PTPN12: variants seen among roughly 807,000 people sequenced by gnomAD.
The protein encoded by PTPN12 is protein tyrosine phosphatase non-receptor type 12.
Under a neutral mutation model 97.6 loss-of-function variants are expected in PTPN12, and 29 were observed. The observed-to-expected ratio is 0.30, with a 90% CI of 0.22 to 0.41. The LOEUF (loss-of-function observed/expected upper bound fraction) is 0.41. Among genes scored for constraint, PTPN12 ranks in the 10% least tolerant of loss-of-function variants. The pLI is 1.00. For missense variants in PTPN12, 819 were observed against 926.0 expected (o/e 0.88, Z 1.50); for synonymous variants, 327 against 300.4 (o/e 1.09, Z -0.91).
chr7:77,552,746 G>A (rs986797339), intron 1 of PTPN12, among the ~76,000 whole-genome samples: 1 of 152,112 alleles, frequency 6.6e-6, no homozygotes, highest in Non-Finnish European at 1.5e-5. Context: ...GCATTATAGT[G>A]GACAGTCCAA....
At chr7:77,569,006 A>G (rs1166109079) in intron 1 of PTPN12, among the ~76,000 whole-genome samples, 2 of 152,222 alleles carry the variant, frequency 1.3e-5, no homozygotes, top group Non-Finnish European at 2.9e-5. Flanking sequence ...TAACGACATC[A>G]TAAACAATCT....
chr7:77,605,447 T>C (rs1282910226), intron 8 of PTPN12, among the ~76,000 whole-genome samples: 1 of 129,766 alleles, frequency 7.7e-6, no homozygotes, highest in Non-Finnish European at 1.6e-5. Flanking sequence ...TGAGACGGAG[T>C]CTCGCTCTGT....
At chr7:77,592,890 A>T (rs1787911041) in intron 6 of PTPN12, among the ~76,000 whole-genome samples, 1 of 152,182 alleles carries the variant, frequency 6.6e-6, no homozygotes, top group African/African-American at 2.4e-5. Flanking sequence ...ATGGACAAAA[A>T]GAAGGAAAAT....
rs758002767 is a variant in PTPN12, at chr7:77,537,513, G to A, written c.-34G>A. 6 of 1,560,560 alleles carry A rather than the reference G, an allele frequency of 3.8e-6. No homozygotes were observed. The African/African-American group carries it at 5.6e-5, about 15-fold the overall frequency. On this transcript the variant is annotated 5_prime_UTR_variant, in exon 1 of 18. Transcript: ENST00000248594. Reference sequence around the variant, plus strand: ...TGTGCCGGGCGGGCGGGCGGCGGGGGGGCCAGCGACCGCAGCCGGGGGGAC... The same window carrying A: ...TGTGCCGGGCGGGCGGGCGGCGGGGAGGCCAGCGACCGCAGCCGGGGGGAC...
chr7:77,547,391 A>AT (rs1316894536), intron 1 of PTPN12, among the ~76,000 whole-genome samples: 1 of 152,080 alleles, frequency 6.6e-6, no homozygotes, highest in Non-Finnish European at 1.5e-5. Context: ...TATATATAAT[A>AT]TTTTTTGTGT....
intron 1 of PTPN12, among the ~76,000 whole-genome samples, chr7:77,546,280 GCA>G (rs1469481563): frequency 6.6e-6 from 1 of 152,148 alleles, no homozygotes; most frequent in African/African-American, 2.4e-5. Flanking sequence ...AAATATTTTA[GCA>G]CAGTTAATCT....
At chr7:77,559,880 T>C (rs1239109168) in intron 1 of PTPN12, among the ~76,000 whole-genome samples, 1 of 152,218 alleles carries the variant, frequency 6.6e-6, no homozygotes, top group Admixed American at 6.5e-5. Context: ...ATTATAATCT[T>C]GGGTGATGGC....
intron 1 of PTPN12, among the ~76,000 whole-genome samples, chr7:77,544,078 C>T (rs978768900): frequency 1.3e-5 from 2 of 152,136 alleles, no homozygotes; most frequent in Admixed American, 6.5e-5. Flanking sequence ...TAACATTTTG[C>T]GGAACTGCCA....
intron 12 of PTPN12, among the ~76,000 whole-genome samples, chr7:77,623,626 G>A (rs149126384): frequency 3.9e-5 from 6 of 152,300 alleles, no homozygotes; most frequent in Non-Finnish European, 7.4e-5. Context: ...CAGGAGATTC[G>A]CTTGAACCTG....
chr7:77,614,798 C>T (rs1429788699), intron 11 of PTPN12, among the ~76,000 whole-genome samples: 1 of 152,126 alleles, frequency 6.6e-6, no homozygotes, highest in Non-Finnish European at 1.5e-5. Flanking sequence ...GGTGTATTAA[C>T]TATTTAGAAG....
At chr7:77,618,325 TA>T (rs1788821213) in intron 11 of PTPN12, among the ~76,000 whole-genome samples, 154 bp from the exon 12 acceptor site, 1 of 152,074 alleles carries the variant, frequency 6.6e-6, no homozygotes, top group South Asian at 2.1e-4. Context: ...TCCTTCAGGC[TA>T]AAATATAGAG....
chr7:77,595,600 A>G (rs1198234555), intron 6 of PTPN12, among the ~76,000 whole-genome samples: 1 of 152,210 alleles, frequency 6.6e-6, no homozygotes, highest in African/African-American at 2.4e-5. Flanking sequence ...GAATTTGTCT[A>G]TCACAATAGC....
Position 77,637,945 on chromosome 7 carries a change from A to ATTTTT in PTPN12, c.2174-654_2174-650dup, listed in dbSNP as rs754842372. On this transcript the variant is annotated intron_variant, in intron 16 of 17. Coordinates refer to ENST00000248594, the MANE Select transcript of PTPN12 (RefSeq NM_002835.4). ...ACCCTGACCTTGTTGATTTCTTAAA[A>ATTTTT]TTTTTTTTTTTTTTTTTTTTTTTTT... Among the ~76,000 whole-genome samples the ATTTTT allele has an allele frequency of 1.0e-3, 69 of 66,802 alleles. 4 individuals carry two copies. Among genetic ancestry groups the ATTTTT allele is most frequent in the Admixed American group, 7.4e-3 (31 of 4,166 alleles). 43.8% of individuals were successfully genotyped at this position (66,802 alleles called of 152,430 possible). A position where few individuals can be genotyped will look rare whatever the true frequency, so the allele number is the denominator to read the frequency against.
At chr7:77,580,925 C>A (rs536658099) in intron 2 of PTPN12, among the ~76,000 whole-genome samples, 2 of 152,322 alleles carry the variant, frequency 1.3e-5, no homozygotes, top group Non-Finnish European at 2.9e-5. Context: ...AAACCCTAGA[C>A]TCTGCTCTAG....
intron 12 of PTPN12, among the ~76,000 whole-genome samples, chr7:77,625,467 T>TGCTCGCTCGC (rs1298553010): frequency 1.5e-4 from 3 of 19,914 alleles, no homozygotes; most frequent in South Asian, 2.5e-3. Context: ...TTGCCCAGGC[T>TGCTCGCTCGC]GCTCGCTCTC....
chr7:77,627,452 C>T lies in PTPN12; in HGVS notation c.1773C>T (p.Phe591=). The change falls in exon 13 of 18, where the codon TTC becomes TTT. Residue 591 remains phenylalanine, a synonymous_variant. Coordinates refer to ENST00000248594, the MANE Select transcript of PTPN12 (RefSeq NM_002835.4). ...ATCATGATAACACTTCACCACTCTT[C>T]AGAACACCCCTCAGTTTTACTAATC... ...LVDHDNTSPL[F]RTPLSFTNPL... The T allele has an allele frequency of 1.2e-6, 2 of 1,614,026 alleles. No individual in the cohort carries two copies. Among genetic ancestry groups the T allele is most frequent in the Non-Finnish European group, 1.7e-6 (2 of 1,179,906 alleles).
intron 1 of PTPN12, among the ~76,000 whole-genome samples, chr7:77,548,041 A>T (rs1807301870): frequency 6.6e-6 from 1 of 152,274 alleles, no homozygotes; most frequent in African/African-American, 2.4e-5. Context: ...TTACAGTAGG[A>T]CCTTTTAAAA....
intron 1 of PTPN12, among the ~76,000 whole-genome samples, chr7:77,567,160 A>G (rs945909503): frequency 6.0e-5 from 9 of 151,176 alleles, no homozygotes; most frequent in African/African-American, 1.2e-4. Flanking sequence ...TGCTACTTCT[A>G]TTCAGGAACT....
At chr7:77,569,750 A>G (rs138067459) in intron 1 of PTPN12, among the ~76,000 whole-genome samples, 13 of 152,186 alleles carry the variant, frequency 8.5e-5, no homozygotes, top group Admixed American at 8.5e-4. Flanking sequence ...CAGCCTGGGC[A>G]ACAGAGTGAG....
Sources: gnomAD v4.1 joint callset for allele counts (sites outside exome capture counted in the v4.1 genomes callset) on GRCh38, gnomAD v4.1.1 for gene constraint, MANE v1.5 for transcripts, NCBI Gene and HGNC (gene_info 2026-07-23, HGNC 2026-07-21) for gene names.